Variants in MAGI2 observed in about 807,000 individuals in gnomAD.
The protein encoded by MAGI2 is membrane associated guanylate kinase, WW and PDZ domain containing 2.
A neutral mutation model predicts 133.3 loss-of-function variants in MAGI2; 35 were observed. The ratio of observed to expected loss-of-function variants is 0.26; its 90% CI spans 0.20 to 0.35. MAGI2 has a LOEUF of 0.35. MAGI2 is among the 10% of genes least tolerant of loss of function. The pLI is 1.00. For missense variants in MAGI2, 1,636 were observed against 1,863.4 expected, an observed-to-expected ratio of 0.88 and a Z score of 2.25; for synonymous variants, 729 against 710.6, an observed-to-expected ratio of 1.03 and a Z score of -0.41.
At chr7:78,147,886 G>C (rs947849853) in intron 16 of MAGI2, among the ~76,000 whole-genome samples, 3 of 151,630 alleles carry the variant, frequency 2.0e-5, no homozygotes, top group African/African-American at 7.3e-5. Flanking sequence ...GCACCTATTG[G>C]AATGGCTAAA....
intron 1 of MAGI2, among the ~76,000 whole-genome samples, chr7:79,036,500 G>A (rs1811141500): frequency 1.3e-5 from 2 of 152,152 alleles, no homozygotes; most frequent in South Asian, 2.1e-4. Context: ...AATTCAAGTT[G>A]GCTGTGGATA....
intron 3 of MAGI2, among the ~76,000 whole-genome samples, chr7:78,581,473 G>A (rs1802832215): frequency 6.6e-6 from 1 of 152,188 alleles, no homozygotes; most frequent in Admixed American, 6.5e-5. Context: ...AACTTTGACT[G>A]TAAATCAGCA....
At chr7:78,544,843 T>A (rs947081037) in intron 3 of MAGI2, among the ~76,000 whole-genome samples, 1 of 151,420 alleles carries the variant, frequency 6.6e-6, no homozygotes, top group Non-Finnish European at 1.5e-5. Context: ...TCAAAAAAAA[T>A]AAAAATAAAA....
At chr7:79,353,870 A>C (rs1468408910) in intron 1 of MAGI2, 1 of 191,924 alleles carries the variant, frequency 5.2e-6, no homozygotes, top group Non-Finnish European at 1.1e-5. Context: ...TTCAGTGGCC[A>C]TGTCCATTCA....
chr7:79,181,040 C>A (rs1585135197), intron 1 of MAGI2, among the ~76,000 whole-genome samples: 2 of 152,026 alleles, frequency 1.3e-5, no homozygotes, highest in East Asian at 3.9e-4. Context: ...TTGCAGGGTA[C>A]AGTCTCCCTC....
chr7:78,903,653 C>T (rs1797788705), intron 2 of MAGI2, among the ~76,000 whole-genome samples: 1 of 152,010 alleles, frequency 6.6e-6, no homozygotes. Context: ...AATTTGGTGC[C>T]ATATATTTAA....
intron 21 of MAGI2, among the ~76,000 whole-genome samples, chr7:78,067,455 A>G (rs778606661): frequency 2.0e-5 from 3 of 152,202 alleles, no homozygotes; most frequent in Non-Finnish European, 4.4e-5. Context: ...TATGTGTCCA[A>G]TCCTAAAACC....
In MAGI2 at chr7:79,227,026, T is replaced by C. The variant is rs545404499; in HGVS notation, c.302-219820A>G. On this transcript the variant is annotated intron_variant, in intron 1 of 21. Coordinates refer to ENST00000354212, the MANE Select transcript of MAGI2 (RefSeq NM_012301.4). ...AAAAAAAATCCTACTGAAGTAAACA[T>C]TTCAAGAAGCATTTATTTTTGCACT... Among the ~76,000 whole-genome samples, 36 of 152,298 alleles carry C rather than the reference T, an allele frequency of 2.4e-4. No individual in the cohort carries two copies. The South Asian group carries it at 6.4e-3, about 27-fold the overall frequency.
At chr7:78,943,150 T>TGA (rs1801125796) in intron 2 of MAGI2, among the ~76,000 whole-genome samples, 1 of 152,124 alleles carries the variant, frequency 6.6e-6, no homozygotes, top group African/African-American at 2.4e-5. Context: ...GAGGATTGAA[T>TGA]GAGAGCTTTA....
At chr7:78,082,925 A>G (rs2151195449) in intron 20 of MAGI2, among the ~76,000 whole-genome samples, 1 of 152,218 alleles carries the variant, frequency 6.6e-6, no homozygotes, top group Non-Finnish European at 1.5e-5. Flanking sequence ...CTGTATAATA[A>G]TTTTAACTGG....
chr7:78,325,836 G>T (rs138967609), intron 9 of MAGI2, among the ~76,000 whole-genome samples: 1 of 152,358 alleles, frequency 6.6e-6, no homozygotes, highest in African/African-American at 2.4e-5. Flanking sequence ...AGAGGAAGAT[G>T]AACTTGATTC....
intron 1 of MAGI2, among the ~76,000 whole-genome samples, chr7:79,116,489 G>T (rs1206601358): frequency 6.6e-6 from 1 of 152,158 alleles, no homozygotes; most frequent in East Asian, 1.9e-4. Flanking sequence ...TTTCTCTAGG[G>T]TACAACAGCC....
At chr7:78,079,631 T>C (rs1207817228) in intron 20 of MAGI2, among the ~76,000 whole-genome samples, 1 of 152,228 alleles carries the variant, frequency 6.6e-6, no homozygotes, top group Admixed American at 6.5e-5. Flanking sequence ...GGTTGGTTGG[T>C]ATTCACATTT....
chr7:79,359,741 AT>A (rs1842265053), intron 1 of MAGI2, among the ~76,000 whole-genome samples: 1 of 151,450 alleles, frequency 6.6e-6, no homozygotes, highest in African/African-American at 2.4e-5. Flanking sequence ...CCAACCACAA[AT>A]TTTATATCCA....
chr7:78,315,849 G>A (rs928841731), intron 9 of MAGI2, among the ~76,000 whole-genome samples: 7 of 151,986 alleles, frequency 4.6e-5, no homozygotes, highest in Admixed American at 4.6e-4. Context: ...TCATTTACAG[G>A]AAGAACTGTG....
chr7:79,057,893 T>C (rs556665386), intron 1 of MAGI2, among the ~76,000 whole-genome samples: 1 of 151,734 alleles, frequency 6.6e-6, no homozygotes, highest in Non-Finnish European at 1.5e-5. Context: ...TTTTTGCTAA[T>C]CCCAAAATGG....
chr7:78,070,712 G>A (rs1435973320), intron 21 of MAGI2, among the ~76,000 whole-genome samples: 2 of 150,378 alleles, frequency 1.3e-5, no homozygotes, highest in Non-Finnish European at 3.0e-5. Flanking sequence ...CATGATCTTG[G>A]CTCACTGAAA....
At chr7:79,414,109 A>G (rs1406428280) in intron 1 of MAGI2, 1 of 152,184 alleles carries the variant, frequency 6.6e-6, no homozygotes, top group Admixed American at 6.6e-5. Flanking sequence ...ACTACATGAT[A>G]CACTGCCTTA....
intron 2 of MAGI2, among the ~76,000 whole-genome samples, chr7:78,973,350 A>G (rs1803952746): frequency 1.3e-5 from 2 of 151,442 alleles, no homozygotes; most frequent in South Asian, 2.1e-4. Flanking sequence ...TATATCTTGT[A>G]TGTCTATTTT....
Sources: allele counts gnomAD v4.1 joint callset (sites outside exome capture counted in the v4.1 genomes callset), GRCh38; gene constraint gnomAD v4.1.1; transcripts MANE v1.5; gene names NCBI Gene and HGNC (gene_info 2026-07-23, HGNC 2026-07-21).